The following RRAS2 variants were observed in gnomAD, a reference collection of about 807,000 sequenced individuals.
RRAS2 encodes the protein ras-related protein R-Ras2.
Under a neutral mutation model 27.6 loss-of-function variants are expected in RRAS2, and 7 were observed. That is an observed-to-expected ratio of 0.25 (90% CI 0.14 to 0.48). The LOEUF (loss-of-function observed/expected upper bound fraction) is 0.48, where lower values mean the gene tolerates loss of function less well. Ranked by LOEUF, RRAS2 falls within the 20% of genes least tolerant of loss-of-function variation. The probability of loss-of-function intolerance (pLI) is 0.99; values close to 1 mark genes in which losing one functional copy is unlikely to be tolerated. For missense variants in RRAS2, 178 were observed against 256.2 expected (o/e 0.69, Z 2.08); for synonymous variants, 86 against 90.9 (o/e 0.95, Z 0.31).
At chr11:14,328,366 C>CAAAAAAAAAA in intron 1 of RRAS2, among the ~76,000 whole-genome samples, 2 of 67,718 alleles carry the variant, frequency 3.0e-5, no homozygotes, top group Non-Finnish European at 2.6e-5. Flanking sequence ...AACTCCAACT[C>CAAAAAAAAAA]AAAAAAAAAA....
intron 1 of RRAS2, among the ~76,000 whole-genome samples, chr11:14,299,596 C>T (rs1473701767): frequency 6.6e-6 from 1 of 152,162 alleles, no homozygotes; most frequent in Non-Finnish European, 1.5e-5. Context: ...AAGCCTCATT[C>T]CCACTACTTG....
intron 1 of RRAS2, among the ~76,000 whole-genome samples, chr11:14,346,793 C>A (rs954899907): frequency 7.2e-5 from 11 of 152,022 alleles, no homozygotes; most frequent in Non-Finnish European, 1.5e-5. Context: ...TTAGTCATTC[C>A]ACAATGTATA....
chr11:14,308,940 A>C (rs1431468584), intron 1 of RRAS2, among the ~76,000 whole-genome samples: 1 of 152,244 alleles, frequency 6.6e-6, no homozygotes, highest in Admixed American at 6.5e-5. Flanking sequence ...AAAGATGATC[A>C]TAATGATTCT....
chr11:14,299,261 T>C (rs1847635926), intron 1 of RRAS2, among the ~76,000 whole-genome samples: 1 of 152,204 alleles, frequency 6.6e-6, no homozygotes, highest in African/African-American at 2.4e-5. Context: ...CAGTCCTAGT[T>C]ACACTTCAGA....
rs1305835695 is a variant in RRAS2 at position 14,333,595 on chromosome 11, ATTTCATTTTATAATCTGT to A, written c.108+25150_108+25167del. Among the ~76,000 whole-genome samples the A allele has an allele frequency of 2.0e-5, 3 of 152,092 alleles. No individual in the cohort carries two copies. The East Asian group carries it at 5.8e-4, about 29-fold the overall frequency. On this transcript the variant is annotated intron_variant, in intron 1 of 5. Coordinates refer to ENST00000256196, the MANE Select transcript of RRAS2 (RefSeq NM_012250.6). ...TAATTAAATCTATGCTGTACTGTGA[ATTTCATTTTATAATCTGT>A]TTTCATTTTATAATCTGTTTTCCCC...
intron 1 of RRAS2, among the ~76,000 whole-genome samples, chr11:14,318,229 T>C (rs1848153321): frequency 6.6e-6 from 1 of 152,174 alleles, no homozygotes; most frequent in Non-Finnish European, 1.5e-5. Context: ...CCGGGCGTGG[T>C]GGCTCATATC....
At chr11:14,300,345 A>G (rs1554947190) in intron 1 of RRAS2, among the ~76,000 whole-genome samples, 3 of 152,188 alleles carry the variant, frequency 2.0e-5, no homozygotes, top group African/African-American at 7.2e-5. Context: ...GGATTAGGGA[A>G]GCTATCACAT....
At chr11:14,321,977 C>T (rs1848233814) in intron 1 of RRAS2, among the ~76,000 whole-genome samples, 1 of 152,056 alleles carries the variant, frequency 6.6e-6, no homozygotes, top group African/African-American at 2.4e-5. Flanking sequence ...ATCTACCTAG[C>T]TATAATAAAT....
chr11:14,281,217 C>T (rs1390692972), intron 5 of RRAS2, among the ~76,000 whole-genome samples: 2 of 152,140 alleles, frequency 1.3e-5, no homozygotes, highest in African/African-American at 4.8e-5. Context: ...CTCTGTACCC[C>T]CATTTTCTCC....
chr11:14,301,521 G>A (rs150007641), intron 1 of RRAS2, among the ~76,000 whole-genome samples: 3 of 151,214 alleles, frequency 2.0e-5, no homozygotes, highest in Non-Finnish European at 4.4e-5. Flanking sequence ...TTTCTTCCCC[G>A]ACCGAACTAG....
intron 1 of RRAS2, among the ~76,000 whole-genome samples, chr11:14,337,623 C>T (rs1554952703): frequency 6.6e-6 from 1 of 152,124 alleles, no homozygotes; most frequent in East Asian, 1.9e-4. Context: ...ATCTAATCTC[C>T]TACTGTGCCT....
intron 1 of RRAS2, among the ~76,000 whole-genome samples, chr11:14,319,624 C>T (rs1384457152): frequency 1.3e-5 from 2 of 152,142 alleles, no homozygotes; most frequent in Non-Finnish European, 2.9e-5. Flanking sequence ...TCCCAAAGTG[C>T]TGGGATTACA....
At chr11:14,328,388 G>C (rs1200752385) in intron 1 of RRAS2, among the ~76,000 whole-genome samples, 5 of 105,024 alleles carry the variant, frequency 4.8e-5, no homozygotes, top group Middle Eastern at 5.7e-3. Context: ...AAAAAAAAAA[G>C]AGTGAGAAAA....
At chr11:14,289,516 T>C (rs1849752325) in intron 4 of RRAS2, among the ~76,000 whole-genome samples, 1 of 152,266 alleles carries the variant, frequency 6.6e-6, no homozygotes, top group Non-Finnish European at 1.5e-5. Flanking sequence ...ATCATTTACC[T>C]ATGTTTTCTT....
intron 1 of RRAS2, among the ~76,000 whole-genome samples, chr11:14,297,317 G>A (rs1847578685): frequency 6.6e-6 from 1 of 152,140 alleles, no homozygotes; most frequent in African/African-American, 2.4e-5. Context: ...CCCAACATTC[G>A]TGGCGACCTA....
intron 1 of RRAS2, among the ~76,000 whole-genome samples, chr11:14,297,436 A>G (rs1005424529): frequency 1.3e-5 from 2 of 152,146 alleles, no homozygotes; most frequent in African/African-American, 2.4e-5. Flanking sequence ...ATGACTTTAC[A>G]TATTTTTTTT....
chr11:14,359,163 C>A lies in RRAS2; in HGVS notation c.-293G>T. 3 of 1,013,698 alleles carry A rather than the reference C, an allele frequency of 3.0e-6. No individual in the cohort carries two copies. Among genetic ancestry groups the A allele is most frequent in the Non-Finnish European group, 3.5e-6 (3 of 849,036 alleles). 62.8% of individuals were successfully genotyped at this position (1,013,698 alleles called of 1,614,324 possible). On this transcript the variant is annotated 5_prime_UTR_variant, in exon 1 of 6. Coordinates refer to ENST00000256196, the MANE Select transcript of RRAS2 (RefSeq NM_012250.6). ...AGCGCCTGCCGAACGCAGCCTCCAG[C>A]GCCGCCACAAATGGCCGTCTGGGGG... is the stretch of plus-strand genomic sequence containing the variant.
chr11:14,344,213 G>A (rs533095962), intron 1 of RRAS2, among the ~76,000 whole-genome samples: 5 of 152,248 alleles, frequency 3.3e-5, no homozygotes, highest in African/African-American at 1.2e-4. Context: ...GCCATTATCT[G>A]AAAATAATAA....
intron 1 of RRAS2, among the ~76,000 whole-genome samples, chr11:14,337,337 A>C (rs1392674985): frequency 5.9e-5 from 9 of 152,166 alleles, no homozygotes; most frequent in Admixed American, 4.6e-4. Context: ...TGCTCTGAAC[A>C]TTCAACTGTT....
Sources: gnomAD v4.1 joint callset for allele counts (sites outside exome capture counted in the v4.1 genomes callset) on GRCh38, gnomAD v4.1.1 for gene constraint, MANE v1.5 for transcripts, NCBI Gene and HGNC (gene_info 2026-07-23, HGNC 2026-07-21) for gene names.